The following SIN3A variants were observed in gnomAD, a reference collection of about 807,000 sequenced individuals.
SIN3A encodes paired amphipathic helix protein Sin3a.
Under a neutral mutation model 146.1 loss-of-function variants are expected in SIN3A, and 14 were observed. That is an observed-to-expected ratio of 0.10 (90% CI 0.06 to 0.15). The LOEUF (loss-of-function observed/expected upper bound fraction) is 0.15, where lower values mean the gene tolerates loss of function less well. Ranked by LOEUF, SIN3A falls within the 10% of genes least tolerant of loss-of-function variation. SIN3A has a pLI of 1.00. For synonymous variants in SIN3A, 572 were observed against 572.0 expected (o/e 1.00, Z 0.00); for missense variants, 1,028 against 1,576.0 (o/e 0.65, Z 5.89).
intron 16 of SIN3A, among the ~76,000 whole-genome samples, chr15:75,385,034 G>A (rs1488153997): frequency 1.3e-5 from 2 of 152,118 alleles, no homozygotes; most frequent in African/African-American, 2.4e-5. Flanking sequence ...ATAGCCGGGC[G>A]TGGTGGCAGG....
intron 16 of SIN3A, among the ~76,000 whole-genome samples, chr15:75,386,466 C>G (rs2073082439): frequency 6.6e-6 from 1 of 152,212 alleles, no homozygotes; most frequent in African/African-American, 2.4e-5. Flanking sequence ...ACCCCCACTG[C>G]TAAGCAGATC....
chr15:75,372,525 A>G (rs528274000), intron 20 of SIN3A, among the ~76,000 whole-genome samples: 49 of 152,270 alleles, frequency 3.2e-4, no homozygotes, highest in South Asian at 2.1e-3. Context: ...AATGTGTTAA[A>G]AAATACACAT....
Position 75,392,379 on chromosome 15 carries a change from C to T in SIN3A, c.2714G>A (p.Arg905Lys). 6.2e-7 allele frequency: 1 copy of T among 1,614,256 alleles called. No individual in the cohort carries two copies. Among genetic ancestry groups the T allele is most frequent in the Non-Finnish European group, 8.5e-7 (1 of 1,180,054 alleles). The change falls in exon 15 of 21, where the codon AGG becomes AAG. Residue 905 changes from arginine to lysine, a missense_variant. Around this residue, in one of 9 missense-constraint regions of SIN3A, gnomAD observed 488 missense variants for 690.2 expected, o/e 0.71. Transcript: ENST00000394947. ...GGCTTGGGAACAAATCCGTAGCAGC[C>T]TCAGGCAGAGAATCTGGTGCAGTCG... ...FMRLHQILCL[R>K]LLRICSQAER...
chr15:75,447,694 G>A (rs1313452846), intron 1 of SIN3A: 1 of 152,132 alleles, frequency 6.6e-6, no homozygotes, highest in Non-Finnish European at 1.5e-5. Context: ...GCAAATAAAG[G>A]ATGTGGACCT....
At position 75,414,316 on chromosome 15, in the gene SIN3A, G is replaced by A. The variant is rs778582318; in HGVS notation, c.367-5C>T. 4.1e-6 allele frequency: 6 copies of A among 1,450,704 alleles called. No homozygotes were observed. The highest frequency in any genetic ancestry group is 4.8e-5 in the East Asian group (2 of 41,876). 89.9% of individuals were successfully genotyped at this position (1,450,704 alleles called of 1,614,324 possible). A position where few individuals can be genotyped will look rare whatever the true frequency, so the allele number is the denominator to read the frequency against. ...ATAAGATAGCGCATCCTCCACCTGA[G>A]GCAGGGATAAATATCAAGGTTATAA... On this transcript the variant is annotated splice_polypyrimidine_tract_variant and splice_region_variant and intron_variant, in intron 3 of 20. Coordinates refer to ENST00000394947, the MANE Select transcript of SIN3A (RefSeq NM_001145358.2).
At chr15:75,451,300 C>A (rs1394211367) in intron 1 of SIN3A, 123 bp downstream of exon 1, 1 of 134,356 alleles carries the variant, frequency 7.4e-6, no homozygotes, top group Non-Finnish European at 1.6e-5. Context: ...CCACACACCT[C>A]CCGCCCGTCT....
intron 3 of SIN3A, among the ~76,000 whole-genome samples, chr15:75,414,565 G>C (rs1490438803): frequency 1.3e-5 from 2 of 152,124 alleles, no homozygotes; most frequent in Admixed American, 6.6e-5. Flanking sequence ...TAATTACAAT[G>C]ATATATCATT....
chr15:75,424,552 C>T (rs1036290129), intron 2 of SIN3A, among the ~76,000 whole-genome samples: 13 of 152,156 alleles, frequency 8.5e-5, no homozygotes, highest in African/African-American at 1.4e-4. Flanking sequence ...TGGCTCACTG[C>T]AGCCTTGACC....
At chr15:75,387,857 A>G (rs1043344983) in intron 16 of SIN3A, among the ~76,000 whole-genome samples, 4 of 152,180 alleles carry the variant, frequency 2.6e-5, no homozygotes, top group Non-Finnish European at 5.9e-5. Context: ...AAGTATGACT[A>G]TGGGTGACTA....
At chr15:75,389,957 T>A (rs2073167102) in intron 15 of SIN3A, 136 bp from the exon 16 acceptor site, 1 of 758,446 alleles carries the variant, frequency 1.3e-6, no homozygotes. Flanking sequence ...TACTCACTCA[T>A]TCCAATGTAA....
At chr15:75,436,799 C>A (rs1471132993) in intron 1 of SIN3A, among the ~76,000 whole-genome samples, 1 of 151,260 alleles carries the variant, frequency 6.6e-6, no homozygotes, top group Non-Finnish European at 1.5e-5. Flanking sequence ...CAATACAAAC[C>A]AGCTCTTGAG....
At chr15:75,447,023 T>A (rs1181192636) in intron 1 of SIN3A, among the ~76,000 whole-genome samples, 2 of 152,166 alleles carry the variant, frequency 1.3e-5, no homozygotes, top group African/African-American at 4.8e-5. Context: ...TGCCTCAGCC[T>A]CCCAAAGTGC....
At chr15:75,438,204 A>C (rs555263524) in intron 1 of SIN3A, among the ~76,000 whole-genome samples, 5 of 152,238 alleles carry the variant, frequency 3.3e-5, no homozygotes. Context: ...TTACTAAAGC[A>C]CGAAAAACAA....
chr15:75,422,119 A>C (rs976141360), intron 3 of SIN3A: 3 of 167,408 alleles, frequency 1.8e-5, no homozygotes, highest in Admixed American at 1.7e-4. Context: ...AGTGGCTCGC[A>C]CCTGTAATCC....
intron 19 of SIN3A, chr15:75,376,075 TC>T: frequency 1.7e-6 from 1 of 602,820 alleles, no homozygotes. Context: ...TCTTCACCCA[TC>T]CCCTACTTGA....
intron 1 of SIN3A, among the ~76,000 whole-genome samples, chr15:75,438,452 G>A (rs2074143867): frequency 6.6e-6 from 1 of 152,146 alleles, no homozygotes; most frequent in African/African-American, 2.4e-5. Context: ...GGGAGGCCGT[G>A]GTGGGAGGAT....
intron 8 of SIN3A, among the ~76,000 whole-genome samples, chr15:75,407,892 CAAAAAA>C (rs775913884): frequency 1.6e-4 from 4 of 24,636 alleles, no homozygotes; most frequent in Admixed American, 7.7e-4. Flanking sequence ...GACTCCATCT[CAAAAAA>C]AAAAAAAAAA....
chr15:75,439,434 A>C (rs2074161814), intron 1 of SIN3A, among the ~76,000 whole-genome samples: 1 of 150,864 alleles, frequency 6.6e-6, no homozygotes, highest in African/African-American at 2.4e-5. Context: ...TCCGCCTCCC[A>C]GGTTCATGCC....
Position 75,407,046 on chromosome 15 carries a change from A to G in SIN3A, c.1407+9T>C. 1 of 1,584,860 alleles carries G rather than the reference A, an allele frequency of 6.3e-7. No homozygotes were observed. Among genetic ancestry groups the G allele is most frequent in the Non-Finnish European group, 8.7e-7 (1 of 1,155,448 alleles). ...AGGCACTATCAAATCTAACTCATCCATTACTCACCTTATCAAAAAATAACG... is the reference window on the plus strand; with the variant it reads ...AGGCACTATCAAATCTAACTCATCCGTTACTCACCTTATCAAAAAATAACG... On this transcript the variant is annotated intron_variant, in intron 9 of 20. Transcript: ENST00000394947.
Sources: gnomAD v4.1 joint callset for allele counts (sites outside exome capture counted in the v4.1 genomes callset) on GRCh38, gnomAD v4.1.1 for gene constraint, gnomAD v4.1.1 regional missense constraint, MANE v1.5 for transcripts, NCBI Gene and HGNC (gene_info 2026-07-23, HGNC 2026-07-21) for gene names.